FMNL2: variants seen among roughly 807,000 people sequenced by gnomAD.
FMNL2 encodes formin like 2.
A neutral mutation model predicts 130.2 loss-of-function variants in FMNL2; 51 were observed. That is an observed-to-expected ratio of 0.39 (90% confidence interval 0.31 to 0.49). FMNL2 has a LOEUF of 0.49. FMNL2 is among the 20% of genes least tolerant of loss of function. FMNL2 has a pLI of 0.85. For missense variants in FMNL2, 977 were observed against 1,316.2 expected (o/e 0.74, Z 3.99); for synonymous variants, 465 against 467.1 (o/e 1.00, Z 0.06).
intron 9 of FMNL2, among the ~76,000 whole-genome samples, chr2:152,590,750 C>T (rs1697387180): frequency 6.6e-6 from 1 of 151,730 alleles, no homozygotes; most frequent in South Asian, 2.1e-4. Flanking sequence ...GCATGTTTGT[C>T]TGTATATTTG....
chr2:152,644,087 G>T (rs1683328960), intron 25 of FMNL2, among the ~76,000 whole-genome samples: 1 of 152,084 alleles, frequency 6.6e-6, no homozygotes, highest in South Asian at 2.1e-4. Flanking sequence ...TGGGCATGGT[G>T]GTGCACACTT....
intron 1 of FMNL2, among the ~76,000 whole-genome samples, chr2:152,428,162 A>G (rs1687292940): frequency 6.6e-6 from 1 of 152,204 alleles, no homozygotes; most frequent in Non-Finnish European, 1.5e-5. Context: ...TCAAACTTGA[A>G]AAATATTTGC....
At chr2:152,628,233 G>C in intron 17 of FMNL2, 66 bp from the exon 18 acceptor site, 1 of 1,357,112 alleles carries the variant, frequency 7.4e-7, no homozygotes, top group Admixed American at 1.7e-5. Context: ...TGAAAAGATG[G>C]ATGAACTTGA....
chr2:152,482,857 C>A (rs1172202523), intron 1 of FMNL2, among the ~76,000 whole-genome samples: 2 of 152,122 alleles, frequency 1.3e-5, no homozygotes, highest in African/African-American at 2.4e-5. Context: ...TATAAAACAT[C>A]AAGTAAACAC....
chr2:152,645,441 G>T (rs1295242698), intron 25 of FMNL2: 1 of 1,288,704 alleles, frequency 7.8e-7, no homozygotes, highest in African/African-American at 1.5e-5. Context: ...TAGCCTTAAA[G>T]AAGAATAATA....
At chr2:152,562,224 C>T (rs748820392) in intron 6 of FMNL2, among the ~76,000 whole-genome samples, 12 of 152,088 alleles carry the variant, frequency 7.9e-5, no homozygotes, top group Non-Finnish European at 1.6e-4. Context: ...CAAAATGTTG[C>T]TTATTCTTTC....
intron 1 of FMNL2, among the ~76,000 whole-genome samples, chr2:152,420,916 G>A (rs1253214217): frequency 6.6e-6 from 1 of 152,190 alleles, no homozygotes; most frequent in Non-Finnish European, 1.5e-5. Context: ...AGGAAGAACT[G>A]GGTTTCGGAC....
intron 9 of FMNL2, among the ~76,000 whole-genome samples, chr2:152,605,996 C>T (rs77694139): frequency 0.011 from 1,609 of 152,224 alleles, 26 homozygotes; most frequent in African/African-American, 0.037. Context: ...TTAACAAATA[C>T]GATTGGGAAC....
intron 1 of FMNL2, among the ~76,000 whole-genome samples, chr2:152,368,854 T>G (rs1560304849): frequency 6.6e-6 from 1 of 152,218 alleles, no homozygotes; most frequent in African/African-American, 2.4e-5. Flanking sequence ...TCCTGACTTT[T>G]GAAGGTCAGA....
intron 8 of FMNL2, among the ~76,000 whole-genome samples, chr2:152,579,474 G>A (rs1456168585): frequency 6.6e-6 from 1 of 152,182 alleles, no homozygotes; most frequent in Non-Finnish European, 1.5e-5. Flanking sequence ...GAGGCAGGCA[G>A]ATCACCTGAG....
At chr2:152,616,722 A>G (rs963973854) in intron 12 of FMNL2, among the ~76,000 whole-genome samples, 23 of 152,140 alleles carry the variant, frequency 1.5e-4, no homozygotes, top group African/African-American at 5.6e-4. Flanking sequence ...CCAATTTTCA[A>G]AAGCTTTAGG....
chr2:152,345,130 T>C (rs1682039665), intron 1 of FMNL2, among the ~76,000 whole-genome samples: 1 of 152,228 alleles, frequency 6.6e-6, no homozygotes, highest in South Asian at 2.1e-4. Context: ...TTTAGAAATA[T>C]AAATCAATCT....
rs1167772295 is a variant in FMNL2, at chr2:152,643,504, T to C, written c.3169+2590T>C. The C allele has an allele frequency of 2.6e-6, 4 of 1,536,126 alleles. No homozygotes were observed. In the Admixed American group the frequency reaches 7.8e-5, roughly 30 times the overall value. On this transcript the variant is annotated intron_variant, in intron 25 of 25. Coordinates refer to ENST00000288670, the MANE Select transcript of FMNL2 (RefSeq NM_052905.4). ...AACCTGTTCTCACTGAGGAATACCA[T>C]TACTAAACTATTACTCTTTCTCACC...
intron 2 of FMNL2, among the ~76,000 whole-genome samples, chr2:152,530,072 C>G (rs764180932): frequency 1.4e-4 from 22 of 152,194 alleles, no homozygotes; most frequent in Non-Finnish European, 2.6e-4. Flanking sequence ...ACTCCCACCC[C>G]ACCTTTTAAA....
chr2:152,522,119 A>T, intron 2 of FMNL2, 93 bp downstream of exon 2: 4 of 1,048,640 alleles, frequency 3.8e-6, no homozygotes, highest in Non-Finnish European at 5.6e-6. Flanking sequence ...TGATTGAAAA[A>T]CAAGATATTT....
At chr2:152,509,276 A>G (rs188149269) in intron 1 of FMNL2, among the ~76,000 whole-genome samples, 1 of 152,358 alleles carries the variant, frequency 6.6e-6, no homozygotes, top group African/African-American at 2.4e-5. Context: ...TGTTTATAAT[A>G]TGATTTAGTT....
intron 25 of FMNL2, 67 bp downstream of exon 25, chr2:152,640,981 C>A (rs1161055129): frequency 1.3e-6 from 2 of 1,591,644 alleles, no homozygotes. Flanking sequence ...GGGATGCATG[C>A]AGATTTTGCA....
chr2:152,510,301 C>T (rs1692424168), intron 1 of FMNL2, among the ~76,000 whole-genome samples: 1 of 152,150 alleles, frequency 6.6e-6, no homozygotes, highest in African/African-American at 2.4e-5. Flanking sequence ...CATCTGAATA[C>T]AAGATACTTT....
chr2:152,398,824 A>G (rs780627391), intron 1 of FMNL2, among the ~76,000 whole-genome samples: 53 of 152,264 alleles, frequency 3.5e-4, no homozygotes, highest in African/African-American at 1.2e-3. Flanking sequence ...AATACAAGGC[A>G]TAACATGGTA....
Sources: allele counts gnomAD v4.1 joint callset (sites outside exome capture counted in the v4.1 genomes callset), GRCh38; gene constraint gnomAD v4.1.1; transcripts MANE v1.5; gene names NCBI Gene and HGNC (gene_info 2026-07-23, HGNC 2026-07-21).